MIPOL1: variants seen among roughly 807,000 people sequenced by gnomAD.
The protein encoded by MIPOL1 is mirror-image polydactyly 1.
In MIPOL1, 57 loss-of-function variants were observed where a neutral mutation model predicts 60.9. The ratio of observed to expected loss-of-function variants is 0.94; its 90% CI spans 0.76 to 1.17. The LOEUF (loss-of-function observed/expected upper bound fraction) is 1.17. Ranked by LOEUF, MIPOL1 falls within the 50% of genes most tolerant of loss-of-function variation. MIPOL1 has a pLI of 0.00. For synonymous variants in MIPOL1, 179 were observed against 168.8 expected, an observed-to-expected ratio of 1.06 and a Z score of -0.47; for missense variants, 551 against 511.6, an observed-to-expected ratio of 1.08 and a Z score of -0.74.
At chr14:37,517,969 A>G (rs1219978138) in intron 12 of MIPOL1, among the ~76,000 whole-genome samples, 1 of 152,204 alleles carries the variant, frequency 6.6e-6, no homozygotes, top group Non-Finnish European at 1.5e-5. Context: ...AGAAATTGAA[A>G]TCAAATTAAA....
rs117855607 is a variant in MIPOL1 at position 37,475,590 on chromosome 14, C to T, written c.1032-24318C>T. On this transcript the variant is annotated intron_variant, in intron 11 of 12. Coordinates refer to ENST00000684589, the MANE Select transcript of MIPOL1 (RefSeq NM_001388067.1). Reference sequence around the variant, plus strand: ...TAGTCCTGTGGTCCATCTTGAGTTACGTTTTGTGAAAAGTGCAAGGTCTTT... The same window carrying T: ...TAGTCCTGTGGTCCATCTTGAGTTATGTTTTGTGAAAAGTGCAAGGTCTTT... Among the ~76,000 whole-genome samples, 705 of 151,926 alleles carry T rather than the reference C, an allele frequency of 4.6e-3. 5 individuals carry two copies. Among genetic ancestry groups the T allele is most frequent in the Admixed American group, 9.9e-3 (151 of 15,258 alleles).
chr14:37,330,627 G>A (rs8181946), intron 9 of MIPOL1, among the ~76,000 whole-genome samples: 100,737 of 151,666 alleles, frequency 0.66, 33,561 homozygotes, highest in African/African-American at 0.69. Flanking sequence ...AGAAGCCGTG[G>A]GTGTAATAAA....
intron 9 of MIPOL1, among the ~76,000 whole-genome samples, chr14:37,336,028 T>A (rs745415238): frequency 6.6e-6 from 1 of 151,924 alleles, no homozygotes; most frequent in African/African-American, 2.4e-5. Flanking sequence ...TCAGAGTTAT[T>A]AGGTCTTATG....
chr14:37,274,102 C>T (rs2083474074), intron 6 of MIPOL1, among the ~76,000 whole-genome samples: 1 of 151,402 alleles, frequency 6.6e-6, no homozygotes, highest in African/African-American at 2.4e-5. Context: ...AATAAAATCA[C>T]AGTTGAGATA....
At chr14:37,328,703 A>C (rs1045112003) in intron 9 of MIPOL1, among the ~76,000 whole-genome samples, 1 of 152,204 alleles carries the variant, frequency 6.6e-6, no homozygotes, top group Non-Finnish European at 1.5e-5. Flanking sequence ...TTTGAGGAGC[A>C]CTGCTCTAAA....
chr14:37,315,342 T>C (rs530499553), intron 9 of MIPOL1, among the ~76,000 whole-genome samples: 4 of 152,190 alleles, frequency 2.6e-5, no homozygotes, highest in African/African-American at 9.7e-5. Context: ...AAGATACTTA[T>C]AAGTGATAAG....
intron 5 of MIPOL1, among the ~76,000 whole-genome samples, chr14:37,269,952 C>T (rs780956883): frequency 6.6e-5 from 10 of 152,026 alleles, no homozygotes; most frequent in Non-Finnish European, 1.0e-4. Flanking sequence ...CTCAGCCTCT[C>T]GAGTAGCTGG....
At chr14:37,224,939 A>C (rs1216797121) in intron 1 of MIPOL1, among the ~76,000 whole-genome samples, 2 of 152,186 alleles carry the variant, frequency 1.3e-5, no homozygotes, top group Non-Finnish European at 2.9e-5. Context: ...AGCTATTCCA[A>C]AGGGGAGAAA....
At chr14:37,266,702 G>A (rs1045700327) in intron 3 of MIPOL1, among the ~76,000 whole-genome samples, 1 of 152,124 alleles carries the variant, frequency 6.6e-6, no homozygotes, top group Non-Finnish European at 1.5e-5. Flanking sequence ...AGGTCCCCAT[G>A]ACAGCCCCAC....
At chr14:37,265,060 G>A (rs1364428728) in intron 3 of MIPOL1, 1 of 152,018 alleles carries the variant, frequency 6.6e-6, no homozygotes, top group African/African-American at 2.4e-5. Context: ...ATTTTCTTCC[G>A]ACTATAACAT....
intron 1 of MIPOL1, among the ~76,000 whole-genome samples, chr14:37,225,372 T>G (rs1196503959): frequency 6.6e-6 from 1 of 152,228 alleles, no homozygotes; most frequent in East Asian, 1.9e-4. Context: ...AACTTCTGCC[T>G]GGACATCCAG....
chr14:37,405,524 G>A (rs1455119478), intron 10 of MIPOL1, among the ~76,000 whole-genome samples: 1 of 151,892 alleles, frequency 6.6e-6, no homozygotes, highest in Non-Finnish European at 1.5e-5. Flanking sequence ...GTTAAAATGT[G>A]GTTTGGTCTT....
chr14:37,269,891 G>A (rs375438887), intron 5 of MIPOL1, among the ~76,000 whole-genome samples: 4 of 152,026 alleles, frequency 2.6e-5, no homozygotes, highest in Admixed American at 6.6e-5. Flanking sequence ...TCAATGGCGC[G>A]ATCTCAGCCC....
intron 7 of MIPOL1, among the ~76,000 whole-genome samples, chr14:37,296,578 A>G (rs1031019633): frequency 2.0e-5 from 3 of 152,226 alleles, no homozygotes; most frequent in African/African-American, 7.2e-5. Context: ...AAAGAAGAAA[A>G]GAGAGAAGAA....
At chr14:37,465,498 C>T (rs2094587394) in intron 11 of MIPOL1, among the ~76,000 whole-genome samples, 2 of 152,122 alleles carry the variant, frequency 1.3e-5, no homozygotes, top group African/African-American at 4.8e-5. Context: ...ATTATCACCT[C>T]AAATCTGGCA....
rs750340636 is a variant in MIPOL1 at position 37,285,382 on chromosome 14, A to G, written c.558A>G (p.Gln186=). The G allele has an allele frequency of 1.9e-5, 31 of 1,613,934 alleles. No individual in the cohort carries two copies. The highest frequency in any genetic ancestry group is 1.2e-4 in the South Asian group (11 of 91,086). ...ATGAAGCTGTTATGTCTAGACTGCA[A>G]TTAGCCATTGAGGAGAGAGATGAAG... is the stretch of plus-strand genomic sequence containing the variant. ...ERDEAVMSRL[Q]LAIEERDEAI... Residue 186 remains glutamine (Q), a synonymous_variant, in exon 7 of 13, where the codon CAA becomes CAG. Coordinates refer to ENST00000684589, the MANE Select transcript of MIPOL1 (RefSeq NM_001388067.1).
At chr14:37,374,651 C>T (rs926423060) in intron 10 of MIPOL1, among the ~76,000 whole-genome samples, 5 of 152,068 alleles carry the variant, frequency 3.3e-5, no homozygotes, top group Non-Finnish European at 5.9e-5. Flanking sequence ...AATCCTTTCC[C>T]GATTGCTTGT....
chr14:37,259,341 A>G (rs2082351065), intron 3 of MIPOL1, among the ~76,000 whole-genome samples: 1 of 152,036 alleles, frequency 6.6e-6, no homozygotes, highest in South Asian at 2.1e-4. Context: ...TCGACCTGAG[A>G]TCACTTGAGC....
intron 12 of MIPOL1, among the ~76,000 whole-genome samples, chr14:37,521,770 A>T (rs1269207240): frequency 6.6e-6 from 1 of 151,914 alleles, no homozygotes; most frequent in African/African-American, 2.4e-5. Flanking sequence ...AAAGCAAAAA[A>T]AGTTTAATAA....
Sources: allele counts gnomAD v4.1 joint callset (sites outside exome capture counted in the v4.1 genomes callset), GRCh38; gene constraint gnomAD v4.1.1; transcripts MANE v1.5; gene names NCBI Gene and HGNC (gene_info 2026-07-23, HGNC 2026-07-21).